Variants in SDCCAG8 observed in about 807,000 individuals in gnomAD.
The protein encoded by SDCCAG8 is serologically defined colon cancer antigen 8.
Under a neutral mutation model 101.8 loss-of-function variants are expected in SDCCAG8, and 74 were observed. The ratio of observed to expected loss-of-function variants is 0.73; its 90% CI spans 0.60 to 0.88. The LOEUF is 0.88. Among genes scored for constraint, SDCCAG8 ranks in the 40% least tolerant of loss-of-function variants. The pLI, the probability that SDCCAG8 is intolerant of heterozygous loss-of-function variation, is 0.00. For synonymous variants in SDCCAG8, 281 were observed against 292.9 expected (o/e 0.96, Z 0.41); for missense variants, 787 against 822.6 (o/e 0.96, Z 0.53).
Position 243,500,020 on chromosome 1 carries a change from T to G in SDCCAG8, c.*235T>G, listed in dbSNP as rs978401873. Reference sequence around the variant, plus strand: ...GTATGTTTTCAGAAATGGCTTGAAGTTATGTGTTTAAATCTGCTCATTCGT... The same window carrying G: ...GTATGTTTTCAGAAATGGCTTGAAGGTATGTGTTTAAATCTGCTCATTCGT... On this transcript the variant is annotated 3_prime_UTR_variant, in exon 18 of 18. Coordinates refer to ENST00000366541, the MANE Select transcript of SDCCAG8 (RefSeq NM_006642.5). 41 of 581,540 alleles carry G rather than the reference T, an allele frequency of 7.1e-5. No homozygotes were observed. The highest frequency in any genetic ancestry group is 1.2e-4 in the Non-Finnish European group (40 of 326,298). 36.0% of individuals were successfully genotyped at this position (581,540 alleles called of 1,614,324 possible). A position where few individuals can be genotyped will look rare whatever the true frequency, so the allele number is the denominator to read the frequency against.
At chr1:243,325,548 A>G (rs1414290594) in intron 9 of SDCCAG8, among the ~76,000 whole-genome samples, 3 of 152,036 alleles carry the variant, frequency 2.0e-5, no homozygotes, top group Admixed American at 6.6e-5. Context: ...AAGGAATTAT[A>G]TATTTACATT....
At chr1:243,313,789 G>C (rs2072984496) in intron 8 of SDCCAG8, among the ~76,000 whole-genome samples, 1 of 152,184 alleles carries the variant, frequency 6.6e-6, no homozygotes, top group Non-Finnish European at 1.5e-5. Flanking sequence ...CTGGACCTGT[G>C]GATTGCGGGA....
intron 16 of SDCCAG8, among the ~76,000 whole-genome samples, chr1:243,442,613 T>TA (rs202076850): frequency 0.15 from 22,204 of 145,718 alleles, 1,675 homozygotes; most frequent in Non-Finnish European, 0.16. Context: ...AAAAGAACAT[T>TA]AAAAAAAAAA....
intron 6 of SDCCAG8, among the ~76,000 whole-genome samples, chr1:243,299,506 C>G (rs577345833): frequency 6.6e-6 from 1 of 152,196 alleles, no homozygotes; most frequent in East Asian, 1.9e-4. Context: ...CTCTGCCTCC[C>G]AGGTTCCAGC....
intron 5 of SDCCAG8, among the ~76,000 whole-genome samples, chr1:243,287,603 C>G (rs955203919): frequency 6.6e-6 from 1 of 152,128 alleles, no homozygotes; most frequent in African/African-American, 2.4e-5. Flanking sequence ...CACTGTATAA[C>G]TTTTTCCTGA....
At chr1:243,358,546 G>A (rs1573541859) in intron 12 of SDCCAG8, among the ~76,000 whole-genome samples, 2 of 152,226 alleles carry the variant, frequency 1.3e-5, no homozygotes, top group East Asian at 1.9e-4. Flanking sequence ...AAAAATATTC[G>A]GGCAGTTTCT....
At chr1:243,442,802 T>G (rs2082633506) in intron 16 of SDCCAG8, among the ~76,000 whole-genome samples, 1 of 152,226 alleles carries the variant, frequency 6.6e-6, no homozygotes, top group Non-Finnish European at 1.5e-5. Flanking sequence ...TGTCAATTCT[T>G]GGAACCACAT....
intron 14 of SDCCAG8, among the ~76,000 whole-genome samples, chr1:243,417,353 G>A (rs114211693): frequency 0.018 from 2,755 of 152,224 alleles, 94 homozygotes; most frequent in African/African-American, 0.062. Context: ...CTTTTGTCTT[G>A]TACACACATA....
chr1:243,413,078 A>G (rs2080293841), intron 13 of SDCCAG8, among the ~76,000 whole-genome samples: 1 of 152,238 alleles, frequency 6.6e-6, no homozygotes, highest in African/African-American at 2.4e-5. Flanking sequence ...AATTTGGGGA[A>G]GGATTCGAGA....
At chr1:243,447,608 A>G (rs979369212) in intron 16 of SDCCAG8, among the ~76,000 whole-genome samples, 9 of 152,190 alleles carry the variant, frequency 5.9e-5, no homozygotes, top group African/African-American at 1.9e-4. Context: ...AATGTGTTTT[A>G]CAGACAATCC....
chr1:243,301,139 AAAC>A (rs2071464229), intron 6 of SDCCAG8, among the ~76,000 whole-genome samples: 1 of 152,222 alleles, frequency 6.6e-6, no homozygotes, highest in Admixed American at 6.5e-5. Context: ...GAATGCAAAA[AAAC>A]ATAAAGATGC....
In SDCCAG8 at chr1:243,412,615, A is replaced by C. The variant is rs1376590288; in HGVS notation, c.1617-3087A>C. Among the ~76,000 whole-genome samples the C allele has an allele frequency of 2.0e-5, 3 of 151,286 alleles. No individual in the cohort carries two copies. The East Asian group carries it at 5.8e-4, about 29-fold the overall frequency. On this transcript the variant is annotated intron_variant, in intron 13 of 17. Coordinates refer to ENST00000366541, the MANE Select transcript of SDCCAG8 (RefSeq NM_006642.5). The stretch of plus-strand genomic sequence containing the variant: ...CTTTTCCTTTTTTTTTTCCCAGCTC[A>C]TCAGCAATCATTAGTATTAGTTTTA...
intron 6 of SDCCAG8, among the ~76,000 whole-genome samples, chr1:243,300,770 C>T (rs1331182106): frequency 6.6e-6 from 1 of 152,156 alleles, no homozygotes; most frequent in Non-Finnish European, 1.5e-5. Flanking sequence ...GGAGTTCCTG[C>T]CTCTCTAAAT....
At chr1:243,278,601 T>A (rs1479932909) in intron 4 of SDCCAG8, among the ~76,000 whole-genome samples, 2 of 152,224 alleles carry the variant, frequency 1.3e-5, no homozygotes, top group Admixed American at 1.3e-4. Flanking sequence ...AAGAAAACAA[T>A]TGACTTTGTA....
intron 10 of SDCCAG8, among the ~76,000 whole-genome samples, chr1:243,331,218 A>T (rs2074567336): frequency 6.6e-6 from 1 of 152,244 alleles, no homozygotes; most frequent in African/African-American, 2.4e-5. Flanking sequence ...ATTTAAGGCA[A>T]AAGGAACAGA....
At chr1:243,488,664 G>A (rs1432206483) in intron 16 of SDCCAG8, among the ~76,000 whole-genome samples, 1 of 152,184 alleles carries the variant, frequency 6.6e-6, no homozygotes, top group Non-Finnish European at 1.5e-5. Context: ...TGCTCAGCCT[G>A]CCAGAGACCT....
At chr1:243,262,477 A>C (rs1423192437) in intron 1 of SDCCAG8, among the ~76,000 whole-genome samples, 2 of 152,106 alleles carry the variant, frequency 1.3e-5, no homozygotes, top group African/African-American at 4.8e-5. Context: ...GTACAATCTC[A>C]ATTTTTCTTT....
intron 7 of SDCCAG8, among the ~76,000 whole-genome samples, chr1:243,307,061 GTTT>G (rs576037723): frequency 7.4e-6 from 1 of 135,492 alleles, no homozygotes; most frequent in African/African-American, 2.7e-5. Context: ...GTTTTTTTTT[GTTT>G]TTTTTTTTTT....
At chr1:243,463,929 C>T (rs1659634721) in intron 16 of SDCCAG8, among the ~76,000 whole-genome samples, 1 of 151,824 alleles carries the variant, frequency 6.6e-6, no homozygotes, top group Non-Finnish European at 1.5e-5. Flanking sequence ...CTCGGTGTTC[C>T]CGTGAGAGCC....
Sources: allele counts gnomAD v4.1 joint callset (sites outside exome capture counted in the v4.1 genomes callset), GRCh38; gene constraint gnomAD v4.1.1; transcripts MANE v1.5; gene names NCBI Gene and HGNC (gene_info 2026-07-23, HGNC 2026-07-21).